Variants in SLC26A4 observed in about 807,000 individuals in gnomAD.
The protein encoded by SLC26A4 is pendrin.
A neutral mutation model predicts 90.4 loss-of-function variants in SLC26A4; 93 were observed. The observed-to-expected ratio is 1.03, with a 90% confidence interval of 0.87 to 1.22. The LOEUF (loss-of-function observed/expected upper bound fraction) is 1.22. Ranked by LOEUF, SLC26A4 falls within the 50% of genes most tolerant of loss-of-function variation. The pLI, the probability that SLC26A4 is intolerant of heterozygous loss-of-function variation, is 0.00. For synonymous variants in SLC26A4, 393 were observed against 354.6 expected (o/e 1.11, Z -1.22); for missense variants, 1,127 against 946.2 (o/e 1.19, Z -2.51).
At chr7:107,704,474 G>A (rs1187289068) in intron 18 of SLC26A4, 89 bp downstream of exon 18, 5 of 647,586 alleles carry the variant, frequency 7.7e-6, no homozygotes, top group Non-Finnish European at 1.1e-5. Flanking sequence ...ATGTCTGAAG[G>A]CCTTTTTTTT....
At chr7:107,672,301 G>T in intron 4 of SLC26A4, 53 bp downstream of exon 4, 1 of 1,148,482 alleles carries the variant, frequency 8.7e-7, no homozygotes, top group East Asian at 2.6e-5. Context: ...AAGTGTTTTG[G>T]CTATATTAAG....
chr7:107,700,102 T>G lies in SLC26A4; in HGVS notation c.1634T>G (p.Val545Gly), dbSNP rs748269047. ...NYKNIEEPQG[V>G]KILRFSSPIF... Reference sequence around the variant, plus strand: ...TGCCAGATTGAAGAACCTCAAGGAGTGAAGATTCTTAGATTTTCCAGTCCT... The same window carrying G: ...TGCCAGATTGAAGAACCTCAAGGAGGGAAGATTCTTAGATTTTCCAGTCCT... Residue 545 changes from valine (V) to glycine (G), a missense_variant, in exon 15 of 21, where the codon GTG (valine) becomes GGG (glycine). Transcript: ENST00000644269. The G allele has an allele frequency of 1.9e-6, 3 of 1,576,146 alleles. No homozygotes were observed. In the Admixed American group the frequency reaches 5.0e-5, roughly 26 times the overall value.
At chr7:107,695,227 C>T (rs1057298380) in intron 12 of SLC26A4, among the ~76,000 whole-genome samples, 4 of 151,824 alleles carry the variant, frequency 2.6e-5, no homozygotes, top group Admixed American at 6.6e-5. Flanking sequence ...CAAGACAAAT[C>T]GTTAAGTGAA....
At chr7:107,689,785 T>C (rs1188425739) in intron 9 of SLC26A4, among the ~76,000 whole-genome samples, 1 of 152,236 alleles carries the variant, frequency 6.6e-6, no homozygotes, top group African/African-American at 2.4e-5. Context: ...AGTCATAATA[T>C]GCTTCATAGT....
At chr7:107,696,503 T>C (rs1446248454) in intron 13 of SLC26A4, among the ~76,000 whole-genome samples, 2 of 152,216 alleles carry the variant, frequency 1.3e-5, no homozygotes, top group East Asian at 1.9e-4. Flanking sequence ...TTATATATTA[T>C]AGTTCATTTT....
chr7:107,671,134 C>T (rs1220725524), intron 3 of SLC26A4, among the ~76,000 whole-genome samples: 1 of 152,160 alleles, frequency 6.6e-6, no homozygotes, highest in Non-Finnish European at 1.5e-5. Flanking sequence ...CAAAACTGGT[C>T]TGAGCCTTTG....
chr7:107,712,930 GA>G (rs1792232876), intron 20 of SLC26A4, among the ~76,000 whole-genome samples: 1 of 152,092 alleles, frequency 6.6e-6, no homozygotes, highest in Non-Finnish European at 1.5e-5. Context: ...CATGGGGTAG[GA>G]AAAAAATGAA....
intron 5 of SLC26A4, 61 bp downstream of exon 5, chr7:107,674,409 G>T: frequency 8.0e-7 from 1 of 1,242,338 alleles, no homozygotes; most frequent in Non-Finnish European, 1.2e-6. Flanking sequence ...TAACTTTAAA[G>T]CATATAGACT....
chr7:107,665,967 G>A (rs1490558361), intron 3 of SLC26A4, among the ~76,000 whole-genome samples: 1 of 152,086 alleles, frequency 6.6e-6, no homozygotes, highest in African/African-American at 2.4e-5. Flanking sequence ...ATCTGGCTCA[G>A]TTACACATCC....
intron 3 of SLC26A4, among the ~76,000 whole-genome samples, chr7:107,665,600 C>T (rs1452124907): frequency 6.6e-6 from 1 of 152,168 alleles, no homozygotes; most frequent in East Asian, 1.9e-4. Flanking sequence ...GATAATGAAT[C>T]TTCTTTATAT....
chr7:107,679,338 A>G (rs1305084901), intron 6 of SLC26A4, among the ~76,000 whole-genome samples: 4 of 152,198 alleles, frequency 2.6e-5, no homozygotes, highest in Non-Finnish European at 5.9e-5. Context: ...CATTGTATTA[A>G]AGTAACACTT....
At chr7:107,685,528 C>G (rs959426798) in intron 8 of SLC26A4, among the ~76,000 whole-genome samples, 3 of 152,180 alleles carry the variant, frequency 2.0e-5, no homozygotes, top group Non-Finnish European at 4.4e-5. Flanking sequence ...TAGGATCACT[C>G]CTAACCTAGG....
In SLC26A4 at chr7:107,694,661, T is replaced by A. The variant is rs1554359675; in HGVS notation, c.1382T>A (p.Met461Lys). 6.2e-7 allele frequency: 1 copy of A among 1,613,828 alleles called. No homozygotes were observed. The highest frequency in any genetic ancestry group is 8.5e-7 in the Non-Finnish European group (1 of 1,179,742). Residue 461 changes from methionine to lysine, a missense_variant, in exon 12 of 21, where the codon ATG becomes AAG. By Grantham distance (95) the Met-to-Lys change is moderately conservative. Transcript: ENST00000644269. ...AAVVIANLKGMFMQLCDIPRL... is the reference protein window; with the variant it reads ...AAVVIANLKGKFMQLCDIPRL... ...GTTGTAATTGCCAACCTGAAAGGGA[T>A]GTTTATGCAGCTGTGTGACATTCCT...
chr7:107,686,877 T>C (rs1791437675), intron 8 of SLC26A4, among the ~76,000 whole-genome samples: 1 of 152,198 alleles, frequency 6.6e-6, no homozygotes, highest in African/African-American at 2.4e-5. Context: ...AACTCAGGCC[T>C]ACTGTTGTTT....
chr7:107,689,176 T>G lies in SLC26A4; in HGVS notation c.1125T>G (p.Tyr375Ter). Residue 375 changes from tyrosine (Y) to a stop codon, truncating the protein, a stop_gained, in exon 9 of 21, where the codon TAT becomes TAG. Transcript: ENST00000644269. LOFTEE classifies it high-confidence loss of function. The part of the protein sequence containing the change: ...VSVGKVYATK[Y>*]DYTIDGNQEF... ...TAGGAAAAGTATATGCCACCAAGTA[T>G]GATTACACCATCGATGGGAACCAGG... 3 of 1,613,862 alleles carry G rather than the reference T, an allele frequency of 1.9e-6. No homozygotes were observed. The highest frequency in any genetic ancestry group is 2.5e-6 in the Non-Finnish European group (3 of 1,179,802).
At chr7:107,704,510 A>T (rs1324587044) in intron 18 of SLC26A4, 125 bp downstream of exon 18, 2 of 604,674 alleles carry the variant, frequency 3.3e-6, no homozygotes, top group Non-Finnish European at 5.9e-6. Flanking sequence ...CTCAATTGTC[A>T]TTATTTGCAG....
chr7:107,711,481 G>C (rs1792183278), intron 19 of SLC26A4, among the ~76,000 whole-genome samples: 1 of 152,194 alleles, frequency 6.6e-6, no homozygotes, highest in African/African-American at 2.4e-5. Context: ...GGTATTGTGA[G>C]TGGCTGGGAT....
intron 3 of SLC26A4, among the ~76,000 whole-genome samples, chr7:107,665,464 G>A (rs1436499823): frequency 6.6e-6 from 1 of 152,144 alleles, no homozygotes; most frequent in Non-Finnish European, 1.5e-5. Flanking sequence ...CTGTGACATG[G>A]TGACACCCTG....
intron 6 of SLC26A4, among the ~76,000 whole-genome samples, chr7:107,679,526 G>C (rs376354309): frequency 6.6e-6 from 1 of 151,650 alleles, no homozygotes; most frequent in Admixed American, 6.6e-5. Context: ...TTTTTCTTAC[G>C]GTTTCATAAA....
Sources: allele counts gnomAD v4.1 joint callset (sites outside exome capture counted in the v4.1 genomes callset), GRCh38; gene constraint gnomAD v4.1.1; transcripts MANE v1.5; gene names NCBI Gene and HGNC (gene_info 2026-07-23, HGNC 2026-07-21).